HIP1: variants seen among roughly 807,000 people sequenced by gnomAD.
HIP1 encodes the protein huntingtin-interacting protein 1.
In HIP1, 65 loss-of-function variants were observed where a neutral mutation model predicts 147.6. That is an observed-to-expected ratio of 0.44 (90% confidence interval 0.36 to 0.54). HIP1 has a LOEUF of 0.54. HIP1 is among the 20% of genes least tolerant of loss of function. The probability of loss-of-function intolerance (pLI) is 0.00; values close to 1 mark genes in which losing one functional copy is unlikely to be tolerated. For synonymous variants in HIP1, 479 were observed against 504.0 expected (o/e 0.95, Z 0.67); for missense variants, 1,061 against 1,299.6 (o/e 0.82, Z 2.82).
At chr7:75,621,047 T>G (rs1563250785) in intron 1 of HIP1, among the ~76,000 whole-genome samples, 2 of 151,956 alleles carry the variant, frequency 1.3e-5, no homozygotes, top group Non-Finnish European at 2.9e-5. Flanking sequence ...CAGGGTGACA[T>G]AGCAAGATCC....
chr7:75,619,086 A>C (rs1270314384), intron 1 of HIP1, among the ~76,000 whole-genome samples: 1 of 152,076 alleles, frequency 6.6e-6, no homozygotes, highest in African/African-American at 2.4e-5. Flanking sequence ...CTGTACCCCG[A>C]GTTTGTACAC....
intron 1 of HIP1, among the ~76,000 whole-genome samples, chr7:75,612,101 G>A (rs903446098): frequency 9.9e-5 from 15 of 152,222 alleles, no homozygotes; most frequent in African/African-American, 2.7e-4. Context: ...AAGGTCCCAC[G>A]GCAGGAGCAG....
intron 1 of HIP1, among the ~76,000 whole-genome samples, chr7:75,676,042 T>A (rs1799875431): frequency 6.6e-6 from 1 of 152,196 alleles, no homozygotes; most frequent in Non-Finnish European, 1.5e-5. Context: ...AACCGGACAT[T>A]TCAAATAATA....
intron 7 of HIP1, among the ~76,000 whole-genome samples, chr7:75,574,350 AG>A (rs1331449903): frequency 2.6e-5 from 4 of 151,902 alleles, no homozygotes; most frequent in African/African-American, 9.7e-5. Context: ...GCACTTTAGG[AG>A]GCTGAGGCGG....
At chr7:75,724,575 ACAGGTGTGAGC>A (rs1169661110) in intron 1 of HIP1, among the ~76,000 whole-genome samples, 1 of 152,200 alleles carries the variant, frequency 6.6e-6, no homozygotes, top group East Asian at 1.9e-4. Flanking sequence ...TGCTGGGATT[ACAGGTGTGAGC>A]CACCATGCCT....
chr7:75,617,687 G>A (rs782522481), intron 1 of HIP1, among the ~76,000 whole-genome samples: 92 of 152,324 alleles, frequency 6.0e-4, no homozygotes, highest in Middle Eastern at 3.4e-3. Flanking sequence ...CCAGGCCTTG[G>A]GGAAAAGGAG....
At chr7:75,718,690 T>A (rs544540830) in intron 1 of HIP1, among the ~76,000 whole-genome samples, 136 of 152,300 alleles carry the variant, frequency 8.9e-4, no homozygotes, top group South Asian at 1.9e-3. Flanking sequence ...ATTTTAGTTG[T>A]CACTTCTGAG....
At chr7:75,610,564 A>G (rs1797396571) in intron 1 of HIP1, among the ~76,000 whole-genome samples, 1 of 151,550 alleles carries the variant, frequency 6.6e-6, no homozygotes, top group Admixed American at 6.6e-5. Context: ...GACACTGAGT[A>G]TTACCTTCCC....
At chr7:75,538,562 G>A (rs1053525135) in intron 30 of HIP1, among the ~76,000 whole-genome samples, 1 of 149,404 alleles carries the variant, frequency 6.7e-6, no homozygotes, top group Non-Finnish European at 1.5e-5. Context: ...CTCAGCACCT[G>A]ATCCCTTCTT....
intron 27 of HIP1, 118 bp from the exon 28 acceptor site, chr7:75,543,092 A>G (rs1794398631): frequency 9.5e-7 from 1 of 1,051,594 alleles, no homozygotes; most frequent in Non-Finnish European, 1.3e-6. Flanking sequence ...ATCACCAATC[A>G]GCTTCTCAAA....
At chr7:75,586,886 G>C in intron 4 of HIP1, 53 bp from the exon 5 acceptor site, 1 of 1,025,468 alleles carries the variant, frequency 9.8e-7, no homozygotes, top group East Asian at 2.4e-5. Flanking sequence ...TAACAGTCAA[G>C]AGATCTGCAG....
rs1799674968 is a variant in HIP1 at position 75,669,566 on chromosome 7, A to AAACTT, written c.120+69234_120+69235insAAGTT. On this transcript the variant is annotated intron_variant, in intron 1 of 30. Transcript: ENST00000336926. ...GATAGAGTGAGACTCTGTCTCAAAA[A>AAACTT]AACAAAACAAAACAAAACAAGAAAC... Among the ~76,000 whole-genome samples the AAACTT allele has an allele frequency of 3.0e-5, 3 of 98,466 alleles. No homozygotes were observed. The Admixed American group carries it at 3.2e-4, about 11-fold the overall frequency. 64.6% of individuals were successfully genotyped at this position (98,466 alleles called of 152,430 possible). A position where few individuals can be genotyped will look rare whatever the true frequency, so the allele number is the denominator to read the frequency against.
intron 6 of HIP1, among the ~76,000 whole-genome samples, chr7:75,581,521 G>A (rs1198102707): frequency 6.6e-6 from 1 of 152,236 alleles, no homozygotes; most frequent in Non-Finnish European, 1.5e-5. Flanking sequence ...GCTCACGCCT[G>A]TAATCCCAGC....
At chr7:75,539,514 C>G in intron 29 of HIP1, 83 bp from the exon 30 acceptor site, 1 of 1,103,910 alleles carries the variant, frequency 9.1e-7, no homozygotes, top group Non-Finnish European at 1.3e-6. Context: ...GAGATGGGGT[C>G]TTGTTCTGCT....
intron 7 of HIP1, among the ~76,000 whole-genome samples, chr7:75,578,711 C>A (rs1223345562): frequency 1.3e-5 from 2 of 152,032 alleles, no homozygotes; most frequent in Admixed American, 6.6e-5. Context: ...AAGCTAAATG[C>A]GAATGAATTC....
In HIP1 at chr7:75,554,153, A is replaced by T; in HGVS notation, c.2118T>A (p.Gly706=). The change falls in exon 21 of 31, where the codon GGT becomes GGA. Residue 706 remains glycine, a synonymous_variant. Coordinates refer to ENST00000336926, the MANE Select transcript of HIP1 (RefSeq NM_005338.7). Reference sequence around the variant, plus strand: ...GTGGGGCTCTGAGGCAGGTGGTGGCACCATGAGCAATGGCGTCGCTGGTCA... The same window carrying T: ...GTGGGGCTCTGAGGCAGGTGGTGGCTCCATGAGCAATGGCGTCGCTGGTCA... ...AHLTSDAIAH[G]ATTCLRAPPE... 1 of 1,614,052 alleles carries T rather than the reference A, an allele frequency of 6.2e-7. No homozygotes were observed.
intron 1 of HIP1, among the ~76,000 whole-genome samples, chr7:75,639,624 C>A (rs377661018): frequency 1.5e-3 from 227 of 150,414 alleles, no homozygotes; most frequent in African/African-American, 5.3e-3. Context: ...CGTGCGTGTG[C>A]ATGCATGCGT....
intron 1 of HIP1, among the ~76,000 whole-genome samples, chr7:75,621,266 G>A (rs1554507062): frequency 6.6e-6 from 1 of 152,140 alleles, no homozygotes; most frequent in East Asian, 1.9e-4. Context: ...AAGAGTTCTA[G>A]GCACACGAGC....
chr7:75,631,221 G>A (rs758167453), intron 1 of HIP1, among the ~76,000 whole-genome samples: 4 of 151,572 alleles, frequency 2.6e-5, no homozygotes, highest in African/African-American at 9.7e-5. Flanking sequence ...TGATCCTCCC[G>A]CCTTAGCCTC....
Sources: gnomAD v4.1 joint callset for allele counts (sites outside exome capture counted in the v4.1 genomes callset) on GRCh38, gnomAD v4.1.1 for gene constraint, MANE v1.5 for transcripts, NCBI Gene and HGNC (gene_info 2026-07-23, HGNC 2026-07-21) for gene names.